NECTIN1: variants seen among roughly 807,000 people sequenced by gnomAD.
NECTIN1 encodes the protein nectin-1.
NECTIN1 carries 23 observed loss-of-function variants against 48.0 expected under a neutral mutation model. The ratio of observed to expected loss-of-function variants is 0.48; its 90% CI spans 0.34 to 0.68. The LOEUF (loss-of-function observed/expected upper bound fraction) is 0.68. Ranked by LOEUF, NECTIN1 falls within the 30% of genes least tolerant of loss-of-function variation. The pLI, the probability that NECTIN1 is intolerant of heterozygous loss-of-function variation, is 0.01. For missense variants in NECTIN1, 591 were observed against 709.9 expected (o/e 0.83, Z 1.90); for synonymous variants, 270 against 288.9 (o/e 0.93, Z 0.66).
intron 5 of NECTIN1, among the ~76,000 whole-genome samples, chr11:119,669,175 G>A (rs2135545666): frequency 6.6e-6 from 1 of 152,328 alleles, no homozygotes; most frequent in East Asian, 1.9e-4. Flanking sequence ...ACTTTGGGAG[G>A]CCGAGGCGGA....
intron 5 of NECTIN1, among the ~76,000 whole-genome samples, chr11:119,649,032 G>A (rs1321184418): frequency 6.6e-6 from 1 of 152,200 alleles, no homozygotes; most frequent in African/African-American, 2.4e-5. Context: ...TGAGTTCAAG[G>A]CCAATGGAGA....
chr11:119,643,914 T>C (rs1342981120), intron 5 of NECTIN1, among the ~76,000 whole-genome samples: 1 of 152,208 alleles, frequency 6.6e-6, no homozygotes, highest in Non-Finnish European at 1.5e-5. Flanking sequence ...GGAGGTTGGC[T>C]ATGTGCCTCT....
chr11:119,724,972 C>A (rs1865887954), intron 1 of NECTIN1, among the ~76,000 whole-genome samples: 1 of 152,122 alleles, frequency 6.6e-6, no homozygotes, highest in African/African-American at 2.4e-5. Flanking sequence ...ATGCTGACAC[C>A]TCTCTGTCTG....
intron 5 of NECTIN1, among the ~76,000 whole-genome samples, chr11:119,650,959 G>T (rs1330458937): frequency 1.3e-5 from 2 of 152,156 alleles, no homozygotes; most frequent in Non-Finnish European, 2.9e-5. Context: ...AGGCTCCTGG[G>T]ACTCAATTTC....
At chr11:119,717,423 C>A (rs2134341428) in intron 1 of NECTIN1, among the ~76,000 whole-genome samples, 1 of 152,236 alleles carries the variant, frequency 6.6e-6, no homozygotes, top group South Asian at 2.1e-4. Context: ...GAGGGTGCCT[C>A]AACGGCAGGG....
intron 1 of NECTIN1, chr11:119,713,770 C>T: frequency 2.2e-6 from 1 of 448,460 alleles, no homozygotes; most frequent in South Asian, 1.6e-5. Context: ...CACCTCCTCA[C>T]CCCCCGCCCT....
rs141511364 is a variant in NECTIN1 at position 119,639,465 on chromosome 11, CT to C, written c.1151+399del. 1,076 of 306,484 alleles carry C rather than the reference CT, an allele frequency of 3.5e-3. 10 individuals carry two copies. Among genetic ancestry groups the C allele is most frequent in the East Asian group, 0.029 (336 of 11,638 alleles). The allele number at this position is 306,484 out of a possible 1,614,324, so 19.0% of individuals were successfully genotyped here. On this transcript the variant is annotated intron_variant, in intron 6 of 7. Transcript: ENST00000341398. ...TGAGGGTTTTGGCTCCCCCCATATA[CT>C]TTGTGCCTCTCTCTCCTCTCTGGTC...
chr11:119,687,954 A>C (rs1865187583), intron 1 of NECTIN1, among the ~76,000 whole-genome samples: 1 of 151,976 alleles, frequency 6.6e-6, no homozygotes, highest in South Asian at 2.1e-4. Context: ...CACTCATTCT[A>C]ATAGGGATGG....
At chr11:119,638,235 C>G (rs1240679781) in exon 8 of NECTIN1, 2 of 1,613,912 alleles carry the variant, frequency 1.2e-6, no homozygotes, top group African/African-American at 2.7e-5. Flanking sequence ...CTCCCTGGGT[C>G]CAGGTGGACA....
exon 8 of NECTIN1, chr11:119,638,179 C>T: frequency 6.2e-7 from 1 of 1,614,014 alleles, no homozygotes; most frequent in South Asian, 1.1e-5. Context: ...AGTAGGGGGG[C>T]TGCAGGGACA....
In NECTIN1 at chr11:119,662,059, G is replaced by C. The variant is rs1803699293; in HGVS notation, c.*2688C>G. 1.0e-6 allele frequency: 1 copy of C among 985,380 alleles called. No individual in the cohort carries two copies. The highest frequency in any genetic ancestry group is 4.7e-5 in the South Asian group (1 of 21,290). 61.0% of individuals were successfully genotyped at this position (985,380 alleles called of 1,614,324 possible). On this transcript the variant is annotated 3_prime_UTR_variant, in exon 6 of 6. Coordinates refer to ENST00000264025, the MANE Select transcript of NECTIN1 (RefSeq NM_002855.5). The surrounding 1 kb of genome is among the most constrained non-coding windows in gnomAD (Gnocchi z 5.3). ...TGTAAGGAAACAGGGGCATGGGTGTGGGGTGGGGGGCAAGGACAGGGAGGG... is the reference window on the plus strand; with the variant it reads ...TGTAAGGAAACAGGGGCATGGGTGTCGGGTGGGGGGCAAGGACAGGGAGGG...
chr11:119,640,070 A>G, intron 5 of NECTIN1: 1 of 1,512,616 alleles, frequency 6.6e-7, no homozygotes, highest in Non-Finnish European at 9.0e-7. Flanking sequence ...ACCCAAAGAG[A>G]GTCAGAGATG....
intron 5 of NECTIN1, chr11:119,640,221 A>C: frequency 1.6e-6 from 1 of 608,754 alleles, no homozygotes; most frequent in Non-Finnish European, 2.9e-6. Flanking sequence ...TGACCCTGTA[A>C]CCCCACACCC....
Position 119,685,333 on chromosome 11 carries a change from C to G in NECTIN1, c.80-6568G>C, listed in dbSNP as rs140787285. 1.5e-3 allele frequency among the ~76,000 whole-genome samples: 227 copies of G among 152,366 alleles called. 1 individual carries two copies. Among genetic ancestry groups the G allele is most frequent in the Middle Eastern group, 6.8e-3 (2 of 294 alleles). On this transcript the variant is annotated intron_variant, in intron 1 of 5. Transcript: ENST00000264025. ...TTAATGATGGGCTGTGGAGCTGGCG[C>G]CCGGCGCCTTGGGCGGGTGAGCACA...
intron 1 of NECTIN1, among the ~76,000 whole-genome samples, chr11:119,686,682 G>A (rs1162427877): frequency 2.6e-5 from 4 of 152,082 alleles, no homozygotes; most frequent in Non-Finnish European, 4.4e-5. Context: ...CTGCCTCGGC[G>A]AAAACCGCAC....
intron 1 of NECTIN1, among the ~76,000 whole-genome samples, chr11:119,712,656 C>A (rs529495227): frequency 1.5e-4 from 23 of 152,298 alleles, no homozygotes; most frequent in Non-Finnish European, 3.1e-4. Context: ...ACAAGGCTTA[C>A]AAAAGCAGAT....
chr11:119,638,879 C>G (rs1406411560), intron 6 of NECTIN1: 10 of 1,330,934 alleles, frequency 7.5e-6, no homozygotes, highest in Non-Finnish European at 1.1e-5. Context: ...CACCAGACAG[C>G]TACCGGTCCC....
chr11:119,725,463 C>T (rs117617428), intron 1 of NECTIN1, among the ~76,000 whole-genome samples: 9 of 152,310 alleles, frequency 5.9e-5, no homozygotes, highest in East Asian at 1.9e-4. Context: ...GCCTTGACTA[C>T]GGAGGCCTAG....
chr11:119,664,684 G>A lies in NECTIN1; in HGVS notation c.*63C>T. ...TCCTGGAGTGGGAGGTGGGGGGTGG[G>A]CAGGGGGCGTGCGGGGAGGGGCTGG... On this transcript the variant is annotated 3_prime_UTR_variant, in exon 6 of 6. Coordinates refer to ENST00000264025, the MANE Select transcript of NECTIN1 (RefSeq NM_002855.5). The A allele has an allele frequency of 7.0e-7, 1 of 1,424,640 alleles. No homozygotes were observed. Among genetic ancestry groups the A allele is most frequent in the Non-Finnish European group, 9.5e-7 (1 of 1,057,574 alleles). The allele number at this position is 1,424,640 out of a possible 1,614,324, so 88.2% of individuals were successfully genotyped here. A position where few individuals can be genotyped will look rare whatever the true frequency, so the allele number is the denominator to read the frequency against.
Sources: gnomAD v4.1 joint callset for allele counts (sites outside exome capture counted in the v4.1 genomes callset) on GRCh38, gnomAD v4.1.1 for gene constraint, Gnocchi (gnomAD v3.1) non-coding constraint, MANE v1.5 for transcripts, NCBI Gene and HGNC (gene_info 2026-07-23, HGNC 2026-07-21) for gene names.